The following RBFOX1 variants were observed in gnomAD, a reference collection of about 807,000 sequenced individuals.
RBFOX1 encodes RNA binding fox-1 homolog 1.
In RBFOX1, 8 loss-of-function variants were observed where a neutral mutation model predicts 57.7. The ratio of observed to expected loss-of-function variants is 0.14; its 90% CI spans 0.08 to 0.25. RBFOX1 has a LOEUF of 0.25. Among genes scored for constraint, RBFOX1 ranks in the 10% least tolerant of loss-of-function variants. RBFOX1 has a pLI of 1.00. For missense variants in RBFOX1, 611 were observed against 548.5 expected, an observed-to-expected ratio of 1.11 and a Z score of -1.14; for synonymous variants, 326 against 222.4, an observed-to-expected ratio of 1.47 and a Z score of -4.15.
intron 4 of RBFOX1, among the ~76,000 whole-genome samples, chr16:7,263,858 C>T (rs1036571227): frequency 6.6e-6 from 1 of 150,702 alleles, no homozygotes; most frequent in African/African-American, 2.4e-5. Flanking sequence ...TGAGATTGCA[C>T]CATTGCACTC....
intron 2 of RBFOX1, among the ~76,000 whole-genome samples, chr16:6,376,283 T>C: frequency 7.2e-6 from 1 of 138,130 alleles, no homozygotes; most frequent in African/African-American, 2.7e-5. Context: ...TTGTGTTGGG[T>C]TTTGTTTGTT....
intron 3 of RBFOX1, among the ~76,000 whole-genome samples, chr16:5,650,436 C>G (rs1434697514): frequency 6.6e-6 from 1 of 152,052 alleles, no homozygotes; most frequent in African/African-American, 2.4e-5. Context: ...ACCTGGATGC[C>G]CAGTCTGCAT....
intron 2 of RBFOX1, among the ~76,000 whole-genome samples, chr16:5,523,583 C>T (rs1237549112): frequency 1.3e-5 from 2 of 152,138 alleles, no homozygotes; most frequent in Non-Finnish European, 2.9e-5. Flanking sequence ...TGCCGCTGCA[C>T]TGCAGCCTGG....
At chr16:6,385,175 G>C (rs2152923426) in intron 2 of RBFOX1, among the ~76,000 whole-genome samples, 1 of 152,312 alleles carries the variant, frequency 6.6e-6, no homozygotes, top group Middle Eastern at 3.4e-3. Flanking sequence ...GTGTGGACAA[G>C]ATAAAGCTGT....
intron 3 of RBFOX1, among the ~76,000 whole-genome samples, chr16:6,884,435 G>A (rs1458266682): frequency 6.6e-6 from 1 of 152,136 alleles, no homozygotes; most frequent in African/African-American, 2.4e-5. Context: ...TAAAGTCTCT[G>A]CCTTCAAGGA....
chr16:7,610,111 C>G (rs796553154), intron 10 of RBFOX1, among the ~76,000 whole-genome samples: 2 of 87,764 alleles, frequency 2.3e-5, no homozygotes, highest in African/African-American at 1.1e-4. Context: ...CCACTGCGCC[C>G]GGCCCCCTTT....
intron 4 of RBFOX1, among the ~76,000 whole-genome samples, chr16:7,090,657 A>G (rs964148479): frequency 6.6e-6 from 1 of 151,866 alleles, no homozygotes; most frequent in African/African-American, 2.4e-5. Context: ...ATTTTCCCTG[A>G]GTGAGTACAG....
At chr16:7,091,992 A>T (rs890444879) in intron 4 of RBFOX1, among the ~76,000 whole-genome samples, 1 of 152,192 alleles carries the variant, frequency 6.6e-6, no homozygotes, top group Non-Finnish European at 1.5e-5. Context: ...ATTTCAAACA[A>T]TACACGTGCC....
intron 2 of RBFOX1, among the ~76,000 whole-genome samples, chr16:5,559,869 C>T (rs565855092): frequency 1.3e-4 from 20 of 151,972 alleles, no homozygotes; most frequent in African/African-American, 4.8e-4. Flanking sequence ...ATACCCTTAA[C>T]TCTAGCGTGC....
intron 4 of RBFOX1, among the ~76,000 whole-genome samples, chr16:5,943,906 C>T (rs952456712): frequency 2.0e-5 from 3 of 151,846 alleles, no homozygotes; most frequent in Non-Finnish European, 2.9e-5. Context: ...TCTACTCATC[C>T]ATCCATCCAC....
At chr16:6,710,357 G>T (rs544138169) in intron 3 of RBFOX1, among the ~76,000 whole-genome samples, 1 of 152,130 alleles carries the variant, frequency 6.6e-6, no homozygotes, top group African/African-American at 2.4e-5. Context: ...TGAAATTAAT[G>T]CATTTTATTT....
intron 2 of RBFOX1, among the ~76,000 whole-genome samples, chr16:6,573,542 C>T (rs2097374755): frequency 6.6e-6 from 1 of 152,212 alleles, no homozygotes; most frequent in Non-Finnish European, 1.5e-5. Context: ...GATATTCCTG[C>T]ATCTCCCCAT....
chr16:7,403,151 AT>A (rs2098272918), intron 4 of RBFOX1, among the ~76,000 whole-genome samples: 2 of 152,182 alleles, frequency 1.3e-5, no homozygotes, highest in Admixed American at 1.3e-4. Flanking sequence ...ACCATTTGAT[AT>A]TTTGATATAT....
intron 3 of RBFOX1, among the ~76,000 whole-genome samples, chr16:5,721,811 C>T (rs1293912527): frequency 1.3e-5 from 2 of 152,172 alleles, no homozygotes; most frequent in Non-Finnish European, 2.9e-5. Flanking sequence ...CTGTGGAAAC[C>T]TTCGCAAAGG....
chr16:7,103,478 A>T (rs541127385), intron 4 of RBFOX1, among the ~76,000 whole-genome samples: 1 of 152,280 alleles, frequency 6.6e-6, no homozygotes, highest in African/African-American at 2.4e-5. Context: ...ACAGTATATG[A>T]ATTGGTATGA....
chr16:5,709,396 T>G (rs1162562786), intron 3 of RBFOX1, among the ~76,000 whole-genome samples: 1 of 152,208 alleles, frequency 6.6e-6, no homozygotes, highest in Non-Finnish European at 1.5e-5. Flanking sequence ...TGAACCCACC[T>G]GGCTTAGACA....
chr16:7,058,720 T>G (rs1692413316), intron 4 of RBFOX1, among the ~76,000 whole-genome samples: 1 of 152,232 alleles, frequency 6.6e-6, no homozygotes, highest in Non-Finnish European at 1.5e-5. Context: ...ATTAATGGAT[T>G]TTTTTCATTA....
At chr16:6,450,801 GTATATATATATATATACATATATATATA>G (rs2094585899) in intron 2 of RBFOX1, among the ~76,000 whole-genome samples, 22 of 16,370 alleles carry the variant, frequency 1.3e-3, no homozygotes, top group Non-Finnish European at 2.0e-3. Flanking sequence ...ATATATATAT[GTATATATATATATATACATATATATATA>G]TATATATGTG....
intron 3 of RBFOX1, among the ~76,000 whole-genome samples, chr16:6,804,467 T>A (rs1225276297): frequency 6.6e-6 from 1 of 152,144 alleles, no homozygotes; most frequent in Non-Finnish European, 1.5e-5. Flanking sequence ...GTACACGCCC[T>A]CCAATGGAAC....
Sources: allele counts gnomAD v4.1 joint callset (sites outside exome capture counted in the v4.1 genomes callset), GRCh38; gene constraint gnomAD v4.1.1; transcripts MANE v1.5; gene names NCBI Gene and HGNC (gene_info 2026-07-23, HGNC 2026-07-21).